Variants in NRG1 observed in about 807,000 individuals in gnomAD.
The protein encoded by NRG1 is pro-neuregulin-1, membrane-bound isoform.
NRG1 carries 18 observed loss-of-function variants against 63.8 expected under a neutral mutation model. The ratio of observed to expected loss-of-function variants is 0.28; its 90% CI spans 0.19 to 0.42. The LOEUF is 0.42. Ranked by LOEUF, NRG1 falls within the 10% of genes least tolerant of loss-of-function variation. The pLI is 1.00. For synonymous variants in NRG1, 302 were observed against 301.3 expected (o/e 1.00, Z -0.02); for missense variants, 762 against 814.7 (o/e 0.94, Z 0.79).
intron 3 of NRG1, among the ~76,000 whole-genome samples, chr8:32,608,108 T>G (rs13263822): frequency 4.2e-5 from 4 of 94,844 alleles, no homozygotes; most frequent in African/African-American, 1.8e-4. Context: ...TTTTTTTTTG[T>G]TTTTTTTTTT....
chr8:32,766,242 A>G (rs1250803363), exon 12 of NRG1: 2 of 152,204 alleles, frequency 1.3e-5, no homozygotes, highest in Non-Finnish European at 2.9e-5. Flanking sequence ...TACAATCCAC[A>G]GAGATGCCTG....
chr8:32,552,660 A>G (rs73581818), intron 1 of NRG1, among the ~76,000 whole-genome samples: 1,581 of 152,320 alleles, frequency 0.01, 31 homozygotes, highest in African/African-American at 0.037. Flanking sequence ...ACTTGTAACC[A>G]CCTAGCCTAT....
rs371522349 is a variant in NRG1 at position 31,925,138 on chromosome 8, G to T, written c.37+285707G>T. Among the ~76,000 whole-genome samples the T allele has an allele frequency of 2.7e-3, 11 of 4,140 alleles. No individual in the cohort carries two copies. The African/African-American group carries it at 0.053, about 20-fold the overall frequency. 2.7% of individuals were successfully genotyped at this position (4,140 alleles called of 152,430 possible). The stretch of plus-strand genomic sequence containing the variant: ...TATATATAATGACATATATATGTGT[G>T]TGTGTGTGTATACATATATATGTAT... On this transcript the variant is annotated intron_variant, in intron 1 of 10. Coordinates refer to the NRG1 transcript ENST00000519301.
At chr8:32,048,506 T>C (rs1238991743) in intron 1 of NRG1, among the ~76,000 whole-genome samples, 2 of 147,174 alleles carry the variant, frequency 1.4e-5, no homozygotes, top group Non-Finnish European at 3.0e-5. Context: ...TGCTGGATCA[T>C]ATGGTAGTTC....
chr8:31,769,606 A>G (rs1229580747), intron 1 of NRG1, among the ~76,000 whole-genome samples: 1 of 152,198 alleles, frequency 6.6e-6, no homozygotes, highest in Non-Finnish European at 1.5e-5. Context: ...GGATAAGGGG[A>G]GGAATCTGTG....
At chr8:31,675,612 G>T (rs1807609902) in intron 1 of NRG1, among the ~76,000 whole-genome samples, 4 of 152,120 alleles carry the variant, frequency 2.6e-5, no homozygotes, top group Non-Finnish European at 5.9e-5. Flanking sequence ...GGCCTAGAAG[G>T]CATCTCTTGT....
intron 1 of NRG1, among the ~76,000 whole-genome samples, chr8:31,901,181 T>C (rs1323960882): frequency 6.6e-6 from 1 of 152,126 alleles, no homozygotes; most frequent in Non-Finnish European, 1.5e-5. Context: ...GTAAAAGAAC[T>C]AGGAATGGAG....
At chr8:31,703,158 G>A (rs912688211) in intron 1 of NRG1, among the ~76,000 whole-genome samples, 1 of 150,102 alleles carries the variant, frequency 6.7e-6, no homozygotes, top group Admixed American at 6.7e-5. Context: ...TAGTTAAGAC[G>A]AAAGGGTATA....
At chr8:32,635,874 T>A (rs1316544393) in intron 5 of NRG1, among the ~76,000 whole-genome samples, 1 of 152,204 alleles carries the variant, frequency 6.6e-6, no homozygotes, top group Admixed American at 6.5e-5. Flanking sequence ...TTTCTTTGAA[T>A]CTTTTTTAGG....
chr8:32,225,221 A>T (rs1846199433), intron 1 of NRG1, among the ~76,000 whole-genome samples: 1 of 152,296 alleles, frequency 6.6e-6, no homozygotes, highest in Non-Finnish European at 1.5e-5. Flanking sequence ...ATAGTCCTCT[A>T]GTTAGTAAGT....
At chr8:31,713,352 G>A (rs1250784599) in intron 1 of NRG1, among the ~76,000 whole-genome samples, 2 of 152,016 alleles carry the variant, frequency 1.3e-5, no homozygotes, top group Admixed American at 6.6e-5. Context: ...TCCTGACCTC[G>A]TGATCCGCCG....
chr8:31,938,199 C>T (rs972829869), intron 1 of NRG1, among the ~76,000 whole-genome samples: 2 of 152,156 alleles, frequency 1.3e-5, no homozygotes, highest in African/African-American at 4.8e-5. Context: ...CTAGTATGCA[C>T]AGCTGCAAGA....
intron 1 of NRG1, among the ~76,000 whole-genome samples, chr8:32,061,057 A>G (rs1245538072): frequency 6.6e-6 from 1 of 151,924 alleles, no homozygotes; most frequent in African/African-American, 2.4e-5. Flanking sequence ...ATTATATACT[A>G]TACTTATGCT....
At chr8:31,859,043 C>CA (rs1170355808) in intron 1 of NRG1, among the ~76,000 whole-genome samples, 2 of 151,790 alleles carry the variant, frequency 1.3e-5, no homozygotes, top group Non-Finnish European at 2.9e-5. Context: ...TTCTCATTGG[C>CA]AAAAAAGTGT....
At chr8:32,026,632 A>G (rs1028751050) in intron 1 of NRG1, among the ~76,000 whole-genome samples, 1 of 152,190 alleles carries the variant, frequency 6.6e-6, no homozygotes, top group Non-Finnish European at 1.5e-5. Flanking sequence ...TTTAGTCCCA[A>G]GATGCCTAAA....
Position 31,752,685 on chromosome 8 carries a change from T to C in NRG1, c.37+113254T>C, listed in dbSNP as rs75653687. Among the ~76,000 whole-genome samples the C allele has an allele frequency of 3.2e-4, 48 of 152,126 alleles. No individual in the cohort carries two copies. The East Asian group carries it at 8.8e-3, about 28-fold the overall frequency. On this transcript the variant is annotated intron_variant, in intron 1 of 10. Coordinates refer to the NRG1 transcript ENST00000519301. The stretch of plus-strand genomic sequence containing the variant: ...AATCAAGGATAATTTCATGGTTTTT[T>C]GGCTTGGGCAATAGAGAGAATTGCA...
intron 1 of NRG1, among the ~76,000 whole-genome samples, chr8:32,480,933 A>G (rs1239003487): frequency 2.0e-5 from 3 of 152,254 alleles, no homozygotes; most frequent in Admixed American, 1.3e-4. Flanking sequence ...ACTGCGGGTT[A>G]CATTTCAACA....
At chr8:32,030,058 T>C (rs1381876) in intron 1 of NRG1, among the ~76,000 whole-genome samples, 149,192 of 152,280 alleles carry the variant, frequency 0.98, 73,155 homozygotes, top group East Asian at 1. Flanking sequence ...TTTACAATAA[T>C]TTAATAGGTT....
At chr8:32,253,208 C>T (rs1195190710) in intron 1 of NRG1, among the ~76,000 whole-genome samples, 2 of 152,120 alleles carry the variant, frequency 1.3e-5, no homozygotes, top group East Asian at 3.9e-4. Context: ...GCCTGATTGC[C>T]CTGGCCAGAA....
Sources: gnomAD v4.1 joint callset for allele counts (sites outside exome capture counted in the v4.1 genomes callset) on GRCh38, gnomAD v4.1.1 for gene constraint, MANE v1.5 for transcripts, NCBI Gene and HGNC (gene_info 2026-07-23, HGNC 2026-07-21) for gene names.